ADAMTS6: variants seen among roughly 807,000 people sequenced by gnomAD.
ADAMTS6 encodes ADAM metallopeptidase with thrombospondin type 1 motif 6, also known as A disintegrin and metalloproteinase with thrombospondin motifs 6.
Under a neutral mutation model 144.3 loss-of-function variants are expected in ADAMTS6, and 23 were observed. The ratio of observed to expected loss-of-function variants is 0.16; its 90% CI spans 0.11 to 0.23. The LOEUF (loss-of-function observed/expected upper bound fraction) is 0.23. Among genes scored for constraint, ADAMTS6 ranks in the 10% least tolerant of loss-of-function variants. ADAMTS6 has a pLI of 1.00. For missense variants in ADAMTS6, 999 were observed against 1,379.6 expected (o/e 0.72, Z 4.37); for synonymous variants, 444 against 457.5 (o/e 0.97, Z 0.38).
intron 21 of ADAMTS6, among the ~76,000 whole-genome samples, chr5:65,192,324 C>T (rs757494968): frequency 6.6e-6 from 1 of 151,930 alleles, no homozygotes; most frequent in Non-Finnish European, 1.5e-5. Context: ...GGAAAGAGAA[C>T]CATTTCTCCC....
intron 7 of ADAMTS6, among the ~76,000 whole-genome samples, chr5:65,371,168 GA>G (rs954554334): frequency 2.0e-5 from 3 of 152,088 alleles, no homozygotes; most frequent in South Asian, 2.1e-4. Context: ...CAAAGATGGG[GA>G]AAAAAACAGA....
At chr5:65,245,580 A>T (rs1759556329) in intron 14 of ADAMTS6, among the ~76,000 whole-genome samples, 1 of 152,280 alleles carries the variant, frequency 6.6e-6, no homozygotes, top group Middle Eastern at 3.4e-3. Context: ...GGTCTATTAT[A>T]TTATAGCTAA....
chr5:65,359,629 A>G (rs1749641795), intron 7 of ADAMTS6, among the ~76,000 whole-genome samples: 2 of 152,208 alleles, frequency 1.3e-5, no homozygotes, highest in Non-Finnish European at 2.9e-5. Context: ...TCTATCTATG[A>G]TTAATGGATA....
chr5:65,437,841 A>T (rs1757561878), intron 7 of ADAMTS6, among the ~76,000 whole-genome samples: 1 of 152,130 alleles, frequency 6.6e-6, no homozygotes, highest in African/African-American at 2.4e-5. Context: ...TTTTCCATGG[A>T]ATATTTTCGA....
chr5:65,259,336 G>A (rs1208330923), intron 14 of ADAMTS6, among the ~76,000 whole-genome samples: 1 of 152,036 alleles, frequency 6.6e-6, no homozygotes, highest in Non-Finnish European at 1.5e-5. Flanking sequence ...TGGCGCCACT[G>A]CACTCCAGCC....
At chr5:65,437,825 G>A (rs927468635) in intron 7 of ADAMTS6, among the ~76,000 whole-genome samples, 1 of 151,898 alleles carries the variant, frequency 6.6e-6, no homozygotes, top group Non-Finnish European at 1.5e-5. Context: ...ATTTTTTATT[G>A]CGGGTTTTTC....
At chr5:65,299,545 G>A (rs1297119715) in intron 10 of ADAMTS6, among the ~76,000 whole-genome samples, 2 of 152,082 alleles carry the variant, frequency 1.3e-5, no homozygotes, top group Non-Finnish European at 2.9e-5. Context: ...TTTTCTCAAA[G>A]TGTTCATTTC....
chr5:65,276,000 T>G (rs1460274549), intron 11 of ADAMTS6, among the ~76,000 whole-genome samples: 3 of 151,940 alleles, frequency 2.0e-5, no homozygotes, highest in Non-Finnish European at 4.4e-5. Context: ...AAGTTTACTT[T>G]AGACAAAACT....
At chr5:65,324,302 C>T (rs1745953278) in intron 9 of ADAMTS6, among the ~76,000 whole-genome samples, 2 of 151,472 alleles carry the variant, frequency 1.3e-5, no homozygotes, top group African/African-American at 4.9e-5. Flanking sequence ...TAAAATGGAG[C>T]ATAGATCTAA....
intron 15 of ADAMTS6, among the ~76,000 whole-genome samples, chr5:65,236,923 G>A (rs1758716947): frequency 6.6e-6 from 1 of 151,900 alleles, no homozygotes; most frequent in Admixed American, 6.6e-5. Flanking sequence ...AAACAAGACT[G>A]ACCAAGAAAA....
chr5:65,466,541 C>T (rs971343283), intron 3 of ADAMTS6, among the ~76,000 whole-genome samples: 3 of 152,190 alleles, frequency 2.0e-5, no homozygotes, highest in Non-Finnish European at 4.4e-5. Flanking sequence ...TTTTTCACTA[C>T]TGTAATCCTA....
intron 7 of ADAMTS6, among the ~76,000 whole-genome samples, chr5:65,397,039 T>C (rs1466356069): frequency 6.6e-6 from 1 of 152,236 alleles, no homozygotes; most frequent in African/African-American, 2.4e-5. Flanking sequence ...ATTCAGATTG[T>C]CTATCTCTTC....
chr5:65,478,319 G>A (rs1760977978), intron 1 of ADAMTS6, among the ~76,000 whole-genome samples: 1 of 152,120 alleles, frequency 6.6e-6, no homozygotes, highest in Admixed American at 6.5e-5. Context: ...CCAAAGTTCA[G>A]ACTAACATTG....
intron 7 of ADAMTS6, among the ~76,000 whole-genome samples, chr5:65,397,260 C>T (rs539065680): frequency 2.0e-5 from 3 of 151,864 alleles, no homozygotes; most frequent in Admixed American, 6.6e-5. Flanking sequence ...TTTTATCTTA[C>T]CAAATTTTGG....
At chr5:65,333,867 T>C (rs186609708) in intron 8 of ADAMTS6, among the ~76,000 whole-genome samples, 175 bp downstream of exon 8, 1 of 151,068 alleles carries the variant, frequency 6.6e-6, no homozygotes, top group East Asian at 1.9e-4. Context: ...TCCTAGTAAA[T>C]GACATATCCA....
chr5:65,229,113 G>A (rs1396507517), intron 15 of ADAMTS6, among the ~76,000 whole-genome samples: 1 of 152,184 alleles, frequency 6.6e-6, no homozygotes, highest in African/African-American at 2.4e-5. Flanking sequence ...ATTGGGAGAA[G>A]TCATACAACT....
chr5:65,400,045 C>T (rs1394354072), intron 7 of ADAMTS6, among the ~76,000 whole-genome samples: 2 of 152,092 alleles, frequency 1.3e-5, no homozygotes, highest in African/African-American at 4.8e-5. Context: ...AGTTGGTGTT[C>T]TTTTCCTCAA....
At chr5:65,338,022 G>A (rs756699440) in intron 7 of ADAMTS6, among the ~76,000 whole-genome samples, 6 of 152,188 alleles carry the variant, frequency 3.9e-5, no homozygotes, top group Admixed American at 1.3e-4. Context: ...ACAGGTGGCA[G>A]AAGCCCCCAA....
intron 7 of ADAMTS6, among the ~76,000 whole-genome samples, chr5:65,422,654 TA>T (rs35449618): frequency 0.6 from 91,287 of 150,946 alleles, 29,398 homozygotes; most frequent in African/African-American, 0.84. Flanking sequence ...ATTAAAAAAT[TA>T]AAAAAAAACA....
Sources: allele counts gnomAD v4.1 joint callset (sites outside exome capture counted in the v4.1 genomes callset), GRCh38; gene constraint gnomAD v4.1.1; transcripts MANE v1.5; gene names NCBI Gene and HGNC (gene_info 2026-07-23, HGNC 2026-07-21).